PAH: variants seen among roughly 807,000 people sequenced by gnomAD.
PAH encodes phenylalanine hydroxylase, also known as phenylalanine-4-hydroxylase.
A neutral mutation model predicts 62.0 loss-of-function variants in PAH; 64 were observed. The ratio of observed to expected loss-of-function variants is 1.03; its 90% CI spans 0.84 to 1.27. PAH has a LOEUF of 1.27. PAH is among the 50% of genes most tolerant of loss of function. The pLI, the probability that PAH is intolerant of heterozygous loss-of-function variation, is 0.00. For missense variants in PAH, 579 were observed against 542.8 expected (o/e 1.07, Z -0.66); for synonymous variants, 195 against 196.2 (o/e 0.99, Z 0.05).
chr12:102,854,891 C>T (rs1875337765), intron 6 of PAH: 5 of 570,714 alleles, frequency 8.8e-6, no homozygotes, highest in South Asian at 2.0e-5. Context: ...TTTTCAGGGA[C>T]AGGTACACGG....
At chr12:102,856,652 A>G (rs1875448195) in intron 5 of PAH, among the ~76,000 whole-genome samples, 1 of 152,208 alleles carries the variant, frequency 6.6e-6, no homozygotes. Context: ...AGGAATGATC[A>G]GGCAGCAACA....
chr12:102,923,160 GATC>G (rs1878598329), intron 1 of PAH, among the ~76,000 whole-genome samples: 2 of 152,174 alleles, frequency 1.3e-5, no homozygotes, highest in Admixed American at 6.5e-5. Context: ...ACAGCAAAAA[GATC>G]ATCAGTATCA....
chr12:102,899,047 T>C (rs189581487), intron 2 of PAH, among the ~76,000 whole-genome samples: 9 of 152,250 alleles, frequency 5.9e-5, no homozygotes, highest in Admixed American at 2.6e-4. Context: ...GAGATATAGA[T>C]AGATCTGAAG....
chr12:102,842,164 G>C (rs761191308), intron 11 of PAH, among the ~76,000 whole-genome samples: 1 of 152,172 alleles, frequency 6.6e-6, no homozygotes, highest in Non-Finnish European at 1.5e-5. Context: ...TTGTCTCCAG[G>C]AGGGCCCATC....
At chr12:102,956,791 C>T (rs1879927676) in intron 1 of PAH, among the ~76,000 whole-genome samples, 2 of 152,012 alleles carry the variant, frequency 1.3e-5, no homozygotes, top group South Asian at 4.2e-4. Flanking sequence ...CTGCCATATA[C>T]ACCCACCTAC....
At chr12:102,942,614 C>G (rs941536134) in intron 1 of PAH, among the ~76,000 whole-genome samples, 1 of 152,000 alleles carries the variant, frequency 6.6e-6, no homozygotes, top group Non-Finnish European at 1.5e-5. Context: ...TCAAAACAAT[C>G]CTAAGCAAAA....
intron 3 of PAH, among the ~76,000 whole-genome samples, chr12:102,891,103 C>A (rs1365874041): frequency 3.3e-5 from 5 of 152,086 alleles, no homozygotes; most frequent in African/African-American, 9.7e-5. Context: ...AAAACATTAG[C>A]TTTTTTACTT....
intron 10 of PAH, 33 bp downstream of exon 10, chr12:102,844,303 T>A (rs1398736858): frequency 6.9e-7 from 1 of 1,450,212 alleles, no homozygotes; most frequent in Admixed American, 1.7e-5. Flanking sequence ...CCACCACTTT[T>A]AAATCTATCC....
upstream of PAH, among the ~76,000 whole-genome samples, chr12:102,952,964 G>A (rs1175362639): frequency 2.6e-5 from 4 of 152,172 alleles, no homozygotes; most frequent in African/African-American, 9.7e-5. Context: ...AATCCTTTCT[G>A]AAATTACCTT....
intron 8 of PAH, among the ~76,000 whole-genome samples, chr12:102,850,157 C>G (rs1875082155): frequency 1.3e-5 from 2 of 152,204 alleles, no homozygotes; most frequent in African/African-American, 4.8e-5. Context: ...CCCAAGCAAT[C>G]AAAGATATCT....
At chr12:102,939,145 C>G (rs1219366756) in intron 1 of PAH, among the ~76,000 whole-genome samples, 1 of 152,060 alleles carries the variant, frequency 6.6e-6, no homozygotes, top group Non-Finnish European at 1.5e-5. Context: ...CTTGGGCCTG[C>G]AGAGTAACTA....
At chr12:102,843,489 G>A (rs959272024) in intron 11 of PAH, among the ~76,000 whole-genome samples, 157 bp downstream of exon 11, 1 of 152,050 alleles carries the variant, frequency 6.6e-6, no homozygotes, top group African/African-American at 2.4e-5. Context: ...AACAGAGAAC[G>A]GAAGAAAAGG....
intron 4 of PAH, among the ~76,000 whole-genome samples, chr12:102,873,064 C>A (rs1876419820): frequency 6.6e-6 from 1 of 152,126 alleles, no homozygotes; most frequent in African/African-American, 2.4e-5. Flanking sequence ...TAAGAAGCCC[C>A]CTCTATTGTA....
chr12:102,845,720 G>A (rs1874809439), intron 9 of PAH, among the ~76,000 whole-genome samples: 1 of 152,166 alleles, frequency 6.6e-6, no homozygotes, highest in Non-Finnish European at 1.5e-5. Context: ...TCAGAGCTCA[G>A]TCAGTCTGAC....
intron 2 of PAH, chr12:102,904,699 G>T: frequency 2.0e-6 from 1 of 490,384 alleles, no homozygotes; most frequent in Non-Finnish European, 4.1e-6. Context: ...ATTTTATAGG[G>T]TCCAGAAATG....
At chr12:102,851,950 A>G (rs1875171648) in intron 7 of PAH, 194 bp from the exon 8 acceptor site, 1 of 577,384 alleles carries the variant, frequency 1.7e-6, no homozygotes, top group Non-Finnish European at 3.1e-6. Context: ...GAAGAAAAGG[A>G]AGGAAAAATA....
upstream of PAH, among the ~76,000 whole-genome samples, chr12:102,918,646 A>G (rs1387599171): frequency 6.6e-6 from 1 of 150,498 alleles, no homozygotes; most frequent in Non-Finnish European, 1.5e-5. Context: ...AGCCTTTATG[A>G]TGTGCCAGGC....
chr12:102,912,765 A>G, intron 2 of PAH, 26 bp downstream of exon 2: 1 of 1,464,584 alleles, frequency 6.8e-7, no homozygotes, highest in Non-Finnish European at 9.6e-7. Context: ...GACATTATCC[A>G]AGACAAACAT....
intron 3 of PAH, among the ~76,000 whole-genome samples, chr12:102,887,547 T>G (rs1030494448): frequency 6.6e-6 from 1 of 152,042 alleles, no homozygotes; most frequent in Admixed American, 6.6e-5. Flanking sequence ...TGTTATTGGC[T>G]GGGGTTATAG....
Sources: gnomAD v4.1 joint callset for allele counts (sites outside exome capture counted in the v4.1 genomes callset) on GRCh38, gnomAD v4.1.1 for gene constraint, MANE v1.5 for transcripts, NCBI Gene and HGNC (gene_info 2026-07-23, HGNC 2026-07-21) for gene names.